ROBO1: variants seen among roughly 807,000 people sequenced by gnomAD.
The protein encoded by ROBO1 is roundabout homolog 1.
ROBO1 carries 149 observed loss-of-function variants against 195.9 expected under a neutral mutation model. That is an observed-to-expected ratio of 0.76 (90% CI 0.67 to 0.87). The LOEUF (loss-of-function observed/expected upper bound fraction) is 0.87. Ranked by LOEUF, ROBO1 falls within the 40% of genes least tolerant of loss-of-function variation. ROBO1 has a pLI of 0.00. For synonymous variants in ROBO1, 816 were observed against 733.2 expected, an observed-to-expected ratio of 1.11 and a Z score of -1.82; for missense variants, 1,933 against 2,068.3, an observed-to-expected ratio of 0.93 and a Z score of 1.27.
intron 1 of ROBO1, among the ~76,000 whole-genome samples, chr3:79,612,035 TA>T (rs67240907): frequency 0.33 from 50,365 of 151,758 alleles, 9,441 homozygotes; most frequent in African/African-American, 0.51. Flanking sequence ...TTTTTTTTAT[TA>T]TTTTTTTATA....
At chr3:79,618,976 T>C (rs1002429826) in intron 1 of ROBO1, among the ~76,000 whole-genome samples, 4 of 152,188 alleles carry the variant, frequency 2.6e-5, no homozygotes, top group Non-Finnish European at 5.9e-5. Flanking sequence ...AAGACAGTCT[T>C]CCCTTTGTGT....
chr3:79,228,748 C>A (rs565291936), intron 2 of ROBO1, among the ~76,000 whole-genome samples: 2 of 152,022 alleles, frequency 1.3e-5, no homozygotes, highest in Non-Finnish European at 2.9e-5. Context: ...CCTTACATTT[C>A]TTTGAGATAA....
chr3:79,004,692 C>T (rs554089677), intron 3 of ROBO1, among the ~76,000 whole-genome samples: 1 of 152,150 alleles, frequency 6.6e-6, no homozygotes, highest in East Asian at 1.9e-4. Flanking sequence ...GACAGTGTAT[C>T]CCCAAATAGA....
chr3:78,982,315 T>C (rs968788627), intron 3 of ROBO1, among the ~76,000 whole-genome samples: 2 of 152,218 alleles, frequency 1.3e-5, no homozygotes, highest in African/African-American at 4.8e-5. Flanking sequence ...TTTTCCCGCC[T>C]GCATATTAAT....
At chr3:79,361,944 A>G (rs1189055331) in intron 2 of ROBO1, among the ~76,000 whole-genome samples, 2 of 152,116 alleles carry the variant, frequency 1.3e-5, no homozygotes, top group African/African-American at 4.8e-5. Flanking sequence ...AGTAGCGTCC[A>G]AAGGCAGCTT....
intron 3 of ROBO1, among the ~76,000 whole-genome samples, chr3:79,089,788 T>A (rs964690109): frequency 6.6e-6 from 1 of 152,172 alleles, no homozygotes; most frequent in Non-Finnish European, 1.5e-5. Flanking sequence ...TTGCATGTGT[T>A]TGCTTGATAC....
At chr3:79,732,846 A>G (rs1251567828) in intron 1 of ROBO1, among the ~76,000 whole-genome samples, 1 of 152,010 alleles carries the variant, frequency 6.6e-6, no homozygotes, top group African/African-American at 2.4e-5. Flanking sequence ...AGTTTAAGTG[A>G]CCCTCTTTGA....
At chr3:78,720,900 C>T (rs1292966780) in intron 5 of ROBO1, among the ~76,000 whole-genome samples, 2 of 149,802 alleles carry the variant, frequency 1.3e-5, no homozygotes, top group Non-Finnish European at 2.9e-5. Context: ...ACAATGAGAA[C>T]ACTTGGACAC....
At chr3:79,663,310 CAA>C (rs1946385001) in intron 1 of ROBO1, among the ~76,000 whole-genome samples, 1 of 151,892 alleles carries the variant, frequency 6.6e-6, no homozygotes, top group African/African-American at 2.4e-5. Context: ...AAAAAAAACT[CAA>C]AGTTATTTAT....
chr3:78,942,331 G>A (rs1383517414), intron 3 of ROBO1, among the ~76,000 whole-genome samples: 7 of 151,986 alleles, frequency 4.6e-5, no homozygotes, highest in Non-Finnish European at 1.5e-5. Context: ...CTGAGAGCCA[G>A]AACTTAGACA....
intron 2 of ROBO1, among the ~76,000 whole-genome samples, chr3:79,157,104 C>T: frequency 6.9e-6 from 1 of 145,108 alleles, no homozygotes; most frequent in East Asian, 1.9e-4. Flanking sequence ...CCTGTGTTCT[C>T]TCTCTGTCTC....
At chr3:79,203,735 G>T (rs1363989584) in intron 2 of ROBO1, among the ~76,000 whole-genome samples, 1 of 152,168 alleles carries the variant, frequency 6.6e-6, no homozygotes, top group African/African-American at 2.4e-5. Flanking sequence ...GTACGTAACA[G>T]TTCACGATTT....
intron 2 of ROBO1, among the ~76,000 whole-genome samples, chr3:79,342,497 T>A (rs1297941922): frequency 6.6e-6 from 1 of 152,214 alleles, no homozygotes; most frequent in Non-Finnish European, 1.5e-5. Flanking sequence ...AATTCACATT[T>A]CTGTACTACA....
chr3:79,699,366 C>T (rs1455439367), intron 1 of ROBO1, among the ~76,000 whole-genome samples: 1 of 151,504 alleles, frequency 6.6e-6, no homozygotes, highest in Non-Finnish European at 1.5e-5. Flanking sequence ...TGTGCGCCTT[C>T]CAGGTTTGTC....
At chr3:79,522,149 T>C (rs555375512) in intron 2 of ROBO1, among the ~76,000 whole-genome samples, 1 of 152,260 alleles carries the variant, frequency 6.6e-6, no homozygotes, top group South Asian at 2.1e-4. Flanking sequence ...TGATAATTGT[T>C]TTGGTATAAT....
At chr3:78,619,911 G>A (rs913267084) in intron 26 of ROBO1, among the ~76,000 whole-genome samples, 7 of 151,212 alleles carry the variant, frequency 4.6e-5, no homozygotes, top group East Asian at 2.0e-4. Flanking sequence ...CCAGCTACTC[G>A]GGAGGCTGAG....
intron 4 of ROBO1, among the ~76,000 whole-genome samples, chr3:78,916,123 G>A (rs1257697320): frequency 2.6e-5 from 4 of 151,410 alleles, no homozygotes; most frequent in South Asian, 2.1e-4. Flanking sequence ...TGGTGGCGGC[G>A]CCTGTAGTCG....
chr3:79,429,892 T>C (rs2038605392), intron 2 of ROBO1, among the ~76,000 whole-genome samples: 1 of 152,084 alleles, frequency 6.6e-6, no homozygotes, highest in African/African-American at 2.4e-5. Flanking sequence ...TCTTCTTAAA[T>C]ATAAGATATG....
chr3:79,674,188 G>C (rs1490892132), intron 1 of ROBO1, among the ~76,000 whole-genome samples: 3 of 152,084 alleles, frequency 2.0e-5, no homozygotes, highest in African/African-American at 7.2e-5. Context: ...CTGCAATTGA[G>C]ACACACAGTT....
Sources: gnomAD v4.1 joint callset for allele counts (sites outside exome capture counted in the v4.1 genomes callset) on GRCh38, gnomAD v4.1.1 for gene constraint, MANE v1.5 for transcripts, NCBI Gene and HGNC (gene_info 2026-07-23, HGNC 2026-07-21) for gene names.